The following ANKRD54 variants were observed in gnomAD, a reference collection of about 807,000 sequenced individuals.
The protein encoded by ANKRD54 is ankyrin repeat domain-containing protein 54.
A neutral mutation model predicts 36.2 loss-of-function variants in ANKRD54; 26 were observed. That is an observed-to-expected ratio of 0.72 (90% confidence interval 0.53 to 1.00). ANKRD54 has a LOEUF of 1.00. ANKRD54 is among the 50% of genes least tolerant of loss of function. The pLI is 0.00. For synonymous variants in ANKRD54, 209 were observed against 188.4 expected (o/e 1.11, Z -0.89); for missense variants, 384 against 424.3 (o/e 0.91, Z 0.83).
At chr22:37,832,901 C>T in intron 6 of ANKRD54, 57 bp downstream of exon 6, 1 of 1,608,046 alleles carries the variant, frequency 6.2e-7, no homozygotes, top group Non-Finnish European at 8.5e-7. Context: ...GTGGTTAGGG[C>T]AGCATCTGTC....
Position 37,844,078 on chromosome 22 carries a change from G to T in ANKRD54, c.161C>A (p.Ser54Ter). 6.9e-7 allele frequency: 1 copy of T among 1,442,402 alleles called. No homozygotes were observed. Among genetic ancestry groups the T allele is most frequent in the Non-Finnish European group, 9.0e-7 (1 of 1,105,432 alleles). 89.4% of individuals were successfully genotyped at this position (1,442,402 alleles called of 1,614,324 possible). A position where few individuals can be genotyped will look rare whatever the true frequency, so the allele number is the denominator to read the frequency against. The change falls in exon 1 of 8, where the codon TCG (serine) becomes TAG (stop). Residue 54 changes from serine (S) to a stop codon, truncating the protein, a stop_gained. Coordinates refer to ENST00000215941, the MANE Select transcript of ANKRD54 (RefSeq NM_138797.4). LOFTEE classifies it high-confidence loss of function. ...SALGGGGAGL[S>*]GRASGGAQSP... ...CTGGGCCCCGCCGGACGCCCGGCCC[G>T]AGAGGCCCGCGCCGCCGCCGCCCAG...
chr22:37,839,548 C>T (rs1018159371), intron 2 of ANKRD54, among the ~76,000 whole-genome samples: 9 of 152,104 alleles, frequency 5.9e-5, no homozygotes, highest in African/African-American at 1.2e-4. Context: ...CCACCACGTC[C>T]GGCTAATTTT....
At chr22:37,842,797 C>G (rs1924441590) in intron 1 of ANKRD54, among the ~76,000 whole-genome samples, 1 of 152,212 alleles carries the variant, frequency 6.6e-6, no homozygotes, top group Non-Finnish European at 1.5e-5. Flanking sequence ...GAAGAAATCC[C>G]CAAAGTCCCC....
At chr22:37,837,297 C>T (rs1923674623) in intron 3 of ANKRD54, among the ~76,000 whole-genome samples, 1 of 152,114 alleles carries the variant, frequency 6.6e-6, no homozygotes, top group East Asian at 1.9e-4. Context: ...CCAACAATGC[C>T]ATTCCTAGGT....
chr22:37,843,349 G>T (rs1195673979), intron 1 of ANKRD54, among the ~76,000 whole-genome samples: 1 of 151,978 alleles, frequency 6.6e-6, no homozygotes, highest in East Asian at 1.9e-4. Flanking sequence ...CTTGAACCCG[G>T]GGGGCGGAGG....
upstream of ANKRD54, among the ~76,000 whole-genome samples, chr22:37,845,302 C>T (rs1249674231): frequency 3.9e-5 from 6 of 152,298 alleles, no homozygotes; most frequent in African/African-American, 1.4e-4. Flanking sequence ...CTTGGTGCCC[C>T]TGAGATGCTC....
At chr22:37,846,622 A>G (rs1601745025), upstream of ANKRD54, among the ~76,000 whole-genome samples, 1 of 151,720 alleles carries the variant, frequency 6.6e-6, no homozygotes, top group East Asian at 1.9e-4. Flanking sequence ...TTTTTTTAAG[A>G]TGGGGTCTCA....
upstream of ANKRD54, chr22:37,849,291 T>G (rs1168454796): frequency 2.3e-6 from 2 of 882,746 alleles, no homozygotes; most frequent in African/African-American, 1.7e-5. Context: ...GGAACGCGGC[T>G]CCTCTTCCTT....
At chr22:37,843,356 G>A (rs568798698) in intron 1 of ANKRD54, among the ~76,000 whole-genome samples, 3 of 152,272 alleles carry the variant, frequency 2.0e-5, no homozygotes, top group Non-Finnish European at 4.4e-5. Flanking sequence ...CCGGGGGGCG[G>A]AGGTTGCAGT....
Position 37,844,042 on chromosome 22 carries a change from C to A in ANKRD54, c.197G>T (p.Arg66Leu). ...CTGCTGCCACAGGACGTGCAAGTAG[C>A]GCAGCGGCGACTGGGCCCCGCCGGA... is the stretch of plus-strand genomic sequence containing the variant. ...RASGGAQSPL[R>L]YLHVLWQQDA... The change falls in exon 1 of 8, where the codon CGC becomes CTC. Residue 66 changes from arginine (R) to leucine (L), a missense_variant. This residue lies in a region of ANKRD54 where 195 missense variants were observed against 177.7 expected (regional missense o/e 1.10). Transcript: ENST00000215941. 1.4e-6 allele frequency: 2 copies of A among 1,438,170 alleles called. No individual in the cohort carries two copies. Among genetic ancestry groups the A allele is most frequent in the East Asian group, 3.0e-5 (1 of 32,994 alleles). 89.1% of individuals were successfully genotyped at this position (1,438,170 alleles called of 1,614,324 possible).
chr22:37,844,408 A>C, upstream of ANKRD54: 1 of 616,868 alleles, frequency 1.6e-6, no homozygotes, highest in Non-Finnish European at 2.6e-6. Flanking sequence ...CGGCGAACCA[A>C]TGACTACCCT....
At chr22:37,846,679 C>T (rs1924858866), upstream of ANKRD54, among the ~76,000 whole-genome samples, 1 of 152,096 alleles carries the variant, frequency 6.6e-6, no homozygotes, top group South Asian at 2.1e-4. Context: ...AAGTGATCCT[C>T]CCACCTTGGC....
chr22:37,847,772 G>C (rs771239570), upstream of ANKRD54: 1 of 438,996 alleles, frequency 2.3e-6, no homozygotes, highest in South Asian at 1.7e-5. Flanking sequence ...TCGAGGGTCG[G>C]TAAAGCTTAA....
chr22:37,844,259 C>G lies in ANKRD54; in HGVS notation c.-21G>C, dbSNP rs1007064943. On this transcript the variant is annotated 5_prime_UTR_variant, in exon 1 of 8. Transcript: ENST00000215941. ...GCCATGGCAACGGCTCCGCGCGGGC[C>G]TGGCCGCCTGAGCCTCGTTCCCGAC... 2 of 1,544,446 alleles carry G rather than the reference C, an allele frequency of 1.3e-6. No individual in the cohort carries two copies. Among genetic ancestry groups the G allele is most frequent in the East Asian group, 2.6e-5 (1 of 38,774 alleles).
Position 37,843,969 on chromosome 22 carries a change from C to T in ANKRD54, c.270G>A (p.Arg90=), listed in dbSNP as rs1283138503. The T allele has an allele frequency of 7.1e-7, 1 of 1,411,718 alleles. No homozygotes were observed. Among genetic ancestry groups the T allele is most frequent in the South Asian group, 1.5e-5 (1 of 66,844 alleles). The allele number at this position is 1,411,718 out of a possible 1,614,324, so 87.4% of individuals were successfully genotyped here. A position where few individuals can be genotyped will look rare whatever the true frequency, so the allele number is the denominator to read the frequency against. The part of the protein sequence containing the change: ...DELRCKIPAG[R]LRRAARPHRR... ...GGTGGGGCCTGGCAGCGCGCCTCAG[C>T]CGGCCAGCGGGTATCTTGCAGCGCA... The change falls in exon 1 of 8, where the codon CGG becomes CGA. Residue 90 remains arginine, a synonymous_variant. Coordinates refer to ENST00000215941, the MANE Select transcript of ANKRD54 (RefSeq NM_138797.4).
chr22:37,842,201 C>T (rs8142408), intron 1 of ANKRD54, among the ~76,000 whole-genome samples: 6,707 of 152,188 alleles, frequency 0.044, 498 homozygotes, highest in African/African-American at 0.15. Flanking sequence ...GGCAGTGAGC[C>T]GAGATTGCAC....
chr22:37,844,005 C>A lies in ANKRD54; in HGVS notation c.234G>T (p.Pro78=). Residue 78 remains proline, a synonymous_variant, in exon 1 of 8, where the codon CCG becomes CCT. Coordinates refer to ENST00000215941, the MANE Select transcript of ANKRD54 (RefSeq NM_138797.4). ...LHVLWQQDAE[P]RDELRCKIPA... ...GTATCTTGCAGCGCAGCTCGTCGCG[C>A]GGCTCCGCATCCTGCTGCCACAGGA... is the stretch of plus-strand genomic sequence containing the variant. 1 of 1,426,186 alleles carries A rather than the reference C, an allele frequency of 7.0e-7. No homozygotes were observed. Among genetic ancestry groups the A allele is most frequent in the South Asian group, 1.4e-5 (1 of 70,704 alleles). 88.3% of individuals were successfully genotyped at this position (1,426,186 alleles called of 1,614,324 possible). A position where few individuals can be genotyped will look rare whatever the true frequency, so the allele number is the denominator to read the frequency against.
At chr22:37,849,303 T>C (rs1300693820), upstream of ANKRD54, 1 of 974,182 alleles carries the variant, frequency 1.0e-6, no homozygotes, top group African/African-American at 1.6e-5. Context: ...CTCTTCCTTC[T>C]GGATATGGCT....
chr22:37,843,911 CG>C lies in ANKRD54; in HGVS notation c.327del (p.His109GlnfsTer3). 7.9e-7 allele frequency: 1 copy of C among 1,260,004 alleles called. No individual in the cohort carries two copies. The highest frequency in any genetic ancestry group is 2.8e-5 in the South Asian group (1 of 35,214). 78.1% of individuals were successfully genotyped at this position (1,260,004 alleles called of 1,614,324 possible). On this transcript the variant is annotated frameshift_variant and splice_region_variant, in exon 1 of 8. Coordinates refer to ENST00000215941, the MANE Select transcript of ANKRD54 (RefSeq NM_138797.4). LOFTEE classifies it high-confidence loss of function. ...RRLGPTGKEV[H>X]ALKRLRDSAN... ...CCCCCGCGCCGCTCGCGCCGCTCAC[CG>C]TGCACCTCCTTGCCCGTGGGCCCGA...
Sources: allele counts gnomAD v4.1 joint callset (sites outside exome capture counted in the v4.1 genomes callset), GRCh38; gene constraint gnomAD v4.1.1; regional missense constraint gnomAD v4.1.1; transcripts MANE v1.5; gene names NCBI Gene and HGNC (gene_info 2026-07-23, HGNC 2026-07-21).